C14orf39: variants seen among roughly 807,000 people sequenced by gnomAD.
C14orf39 encodes chromosome 14 open reading frame 39.
C14orf39 carries 66 observed loss-of-function variants against 85.6 expected under a neutral mutation model. The observed-to-expected ratio is 0.77, with a 90% CI of 0.63 to 0.95. The LOEUF is 0.95. C14orf39 is among the 40% of genes least tolerant of loss of function. The pLI, the probability that C14orf39 is intolerant of heterozygous loss-of-function variation, is 0.00. For synonymous variants in C14orf39, 242 were observed against 214.0 expected (o/e 1.13, Z -1.14); for missense variants, 735 against 663.9 (o/e 1.11, Z -1.18).
In C14orf39 at chr14:60,470,210, G is replaced by T. The variant is rs367866957; in HGVS notation, c.555-557C>A. Among the ~76,000 whole-genome samples, 65 of 151,768 alleles carry T rather than the reference G, an allele frequency of 4.3e-4. 2 individuals are homozygous for T. The East Asian group carries it at 9.3e-3, about 22-fold the overall frequency. On this transcript the variant is annotated intron_variant, in intron 7 of 17. Transcript: ENST00000321731. The stretch of plus-strand genomic sequence containing the variant: ...CGACTTGGACTTTCTACTTGAACTG[G>T]ATTTGTGCCCAATTTCAAGTAAAAA...
chr14:60,500,400 T>C (rs1361807524), intron 1 of C14orf39, among the ~76,000 whole-genome samples: 1 of 152,206 alleles, frequency 6.6e-6, no homozygotes, highest in Non-Finnish European at 1.5e-5. Context: ...AATTTGGAAG[T>C]ATGTATCAAT....
At chr14:60,456,441 T>TA (rs398025295) in intron 15 of C14orf39, among the ~76,000 whole-genome samples, 4 of 151,140 alleles carry the variant, frequency 2.6e-5, no homozygotes, top group East Asian at 1.9e-4. Flanking sequence ...TTTTTTTTTT[T>TA]AATAGAGTCT....
At chr14:60,470,964 C>A (rs1360878824) in intron 7 of C14orf39, among the ~76,000 whole-genome samples, 1 of 151,920 alleles carries the variant, frequency 6.6e-6, no homozygotes, top group East Asian at 1.9e-4. Flanking sequence ...TATTTATTTA[C>A]ATGTCAGTCT....
At chr14:60,461,656 C>T in intron 11 of C14orf39, 63 bp from the exon 12 acceptor site, 4 of 925,354 alleles carry the variant, frequency 4.3e-6, no homozygotes, top group South Asian at 4.0e-5. Context: ...TTTTGCTTGT[C>T]GTTAGCAACT....
Position 60,515,470 on chromosome 14 carries a change from A to C in C14orf39, c.-219T>G, listed in dbSNP as rs1236079936. 6.6e-6 allele frequency: 1 copy of C among 151,780 alleles called. No individual in the cohort carries two copies. Among genetic ancestry groups the C allele is most frequent in the African/African-American group, 2.4e-5 (1 of 41,368 alleles). 9.4% of individuals were successfully genotyped at this position (151,780 alleles called of 1,614,324 possible). A position where few individuals can be genotyped will look rare whatever the true frequency, so the allele number is the denominator to read the frequency against. On this transcript the variant is annotated 5_prime_UTR_variant, in exon 1 of 6. Coordinates refer to the C14orf39 transcript ENST00000556799. This position sits in a 1 kb window ranked among gnomAD's most constrained non-coding sequence, Gnocchi z 6.2. ...CTCCTACTGTTGGGCTGCGTGACTC[A>C]GCGGCTCGAGGAGAGAAACCTCTCA...
At position 60,468,436 on chromosome 14, in the gene C14orf39, T is replaced by C; in HGVS notation, c.767+9A>G. 2 of 1,506,388 alleles carry C rather than the reference T, an allele frequency of 1.3e-6. No individual in the cohort carries two copies. The highest frequency in any genetic ancestry group is 1.8e-6 in the Non-Finnish European group (2 of 1,105,158). The allele number at this position is 1,506,388 out of a possible 1,614,324, so 93.3% of individuals were successfully genotyped here. On this transcript the variant is annotated intron_variant, in intron 9 of 17. Coordinates refer to ENST00000321731, the MANE Select transcript of C14orf39 (RefSeq NM_174978.3). ...TCACATAAAATTTAATTTTAAAGGT[T>C]ACCTATACCTTTCTTTCAGTTCTTT...
In C14orf39 at chr14:60,491,824, C is replaced by A. The variant is rs1892994072; in HGVS notation, c.-8-6738G>T. Reference sequence around the variant, plus strand: ...ATATTCTCTCTCTCTTTTTCTCTCTCTCTCTCTCTCTCACACACACACACA... The same window carrying A: ...ATATTCTCTCTCTCTTTTTCTCTCTATCTCTCTCTCTCACACACACACACA... On this transcript the variant is annotated intron_variant, in intron 2 of 5. Transcript: ENST00000556799. The surrounding 1 kb of genome is among the most constrained non-coding windows in gnomAD (Gnocchi z 4.5). Among the ~76,000 whole-genome samples, 2 of 151,566 alleles carry A rather than the reference C, an allele frequency of 1.3e-5. No individual in the cohort carries two copies.
intron 1 of C14orf39, among the ~76,000 whole-genome samples, chr14:60,506,157 T>C (rs1423716414): frequency 6.6e-6 from 1 of 152,138 alleles, no homozygotes; most frequent in East Asian, 1.9e-4. Flanking sequence ...CAAGACCTCA[T>C]GTCCCAATCT....
intron 16 of C14orf39, among the ~76,000 whole-genome samples, chr14:60,444,705 C>T (rs1230972220): frequency 6.6e-6 from 1 of 152,148 alleles, no homozygotes; most frequent in African/African-American, 2.4e-5. Flanking sequence ...GATAACACCA[C>T]AAAGATACTC....
At chr14:60,457,169 G>A (rs17097448) in intron 14 of C14orf39, 74 bp from the exon 15 acceptor site, 2 of 933,472 alleles carry the variant, frequency 2.1e-6, no homozygotes, top group Non-Finnish European at 3.1e-6. Flanking sequence ...AATGCATGAG[G>A]TGGAAAATAC....
chr14:60,515,010 A>G lies in C14orf39; in HGVS notation c.-144+385T>C, dbSNP rs1893344130. ...GGGGTTTTGTCGGCCTGAATGGCTA[A>G]TAGGTTTGCCTGTGAGCTGCGAGGG... On this transcript the variant is annotated intron_variant, in intron 1 of 5. Transcript: ENST00000556799. The surrounding 1 kb of genome is among the most constrained non-coding windows in gnomAD (Gnocchi z 6.2). The G allele has an allele frequency of 6.5e-6, 1 of 152,696 alleles. No individual in the cohort carries two copies. The highest frequency in any genetic ancestry group is 1.5e-5 in the Non-Finnish European group (1 of 68,492). 9.5% of individuals were successfully genotyped at this position (152,696 alleles called of 1,614,324 possible).
In C14orf39 at chr14:60,478,845, T is replaced by C. The variant is rs532084971; in HGVS notation, c.234-456A>G. On this transcript the variant is annotated intron_variant, in intron 4 of 17. Transcript: ENST00000321731. Reference sequence around the variant, plus strand: ...TAACACTTAGAAAACAGGTGTCACATCATCCTGAATTACAAAAAAAAGAGA... The same window carrying C: ...TAACACTTAGAAAACAGGTGTCACACCATCCTGAATTACAAAAAAAAGAGA... Among the ~76,000 whole-genome samples the C allele has an allele frequency of 5.3e-5, 8 of 152,096 alleles. No homozygotes were observed. The East Asian group carries it at 1.4e-3, about 26-fold the overall frequency.
rs547340008 is a variant in C14orf39, at chr14:60,464,165, C to A, written c.972+1814G>T. Reference sequence around the variant, plus strand: ...CCCTTTTTCTTTCCTGCCTGGAAGGCAAATTTACATGGTTACCTTCTGACC... The same window carrying A: ...CCCTTTTTCTTTCCTGCCTGGAAGGAAAATTTACATGGTTACCTTCTGACC... On this transcript the variant is annotated intron_variant, in intron 11 of 17. Transcript: ENST00000321731. Among the ~76,000 whole-genome samples the A allele has an allele frequency of 2.0e-5, 3 of 152,192 alleles. No individual in the cohort carries two copies. In the East Asian group the frequency reaches 5.8e-4, roughly 29 times the overall value.
chr14:60,482,333 T>A (rs192457112), intron 4 of C14orf39, among the ~76,000 whole-genome samples: 1 of 152,186 alleles, frequency 6.6e-6, no homozygotes, highest in Non-Finnish European at 1.5e-5. Context: ...AACATGTAAG[T>A]TTTGGCTGAT....
chr14:60,483,875 A>C (rs1459591080), intron 3 of C14orf39, 58 bp from the exon 4 acceptor site: 2 of 1,231,300 alleles, frequency 1.6e-6, no homozygotes, highest in Non-Finnish European at 2.2e-6. Flanking sequence ...AAAATAAACA[A>C]ATAGAGAAAA....
intron 4 of C14orf39, among the ~76,000 whole-genome samples, chr14:60,482,050 CTTAT>C (rs938649935): frequency 1.7e-4 from 26 of 152,284 alleles, no homozygotes; most frequent in African/African-American, 6.3e-4. Context: ...TTCATAGATT[CTTAT>C]TTCACATTTA....
intron 4 of C14orf39, among the ~76,000 whole-genome samples, chr14:60,481,280 TAAACATTTG>T (rs1892627244): frequency 6.6e-6 from 1 of 152,176 alleles, no homozygotes; most frequent in Non-Finnish European, 1.5e-5. Context: ...AAGACTGACA[TAAACATTTG>T]GTTGTACATT....
intron 1 of C14orf39, among the ~76,000 whole-genome samples, chr14:60,507,657 G>A (rs1333377643): frequency 1.3e-5 from 2 of 152,116 alleles, no homozygotes; most frequent in Non-Finnish European, 2.9e-5. Context: ...GCTTTGCCCT[G>A]CACTCAGGCG....
intron 16 of C14orf39, among the ~76,000 whole-genome samples, chr14:60,451,122 A>G (rs1891013637): frequency 6.6e-6 from 1 of 152,168 alleles, no homozygotes; most frequent in Non-Finnish European, 1.5e-5. Context: ...TAGAAAAATC[A>G]CCAGGGACCA....
Sources: gnomAD v4.1 joint callset for allele counts (sites outside exome capture counted in the v4.1 genomes callset) on GRCh38, gnomAD v4.1.1 for gene constraint, Gnocchi (gnomAD v3.1) non-coding constraint, MANE v1.5 for transcripts, NCBI Gene and HGNC (gene_info 2026-07-23, HGNC 2026-07-21) for gene names.